The following PALM2AKAP2 variants were observed in gnomAD, a reference collection of about 807,000 sequenced individuals.
PALM2AKAP2 encodes PALM2 and AKAP2 fusion.
PALM2AKAP2 carries 37 observed loss-of-function variants against 71.5 expected under a neutral mutation model. The ratio of observed to expected loss-of-function variants is 0.52; its 90% CI spans 0.40 to 0.68. The LOEUF (loss-of-function observed/expected upper bound fraction) is 0.68. Ranked by LOEUF, PALM2AKAP2 falls within the 30% of genes least tolerant of loss-of-function variation. PALM2AKAP2 has a pLI of 0.00. For missense variants in PALM2AKAP2, 1,224 were observed against 1,191.8 expected (o/e 1.03, Z -0.40); for synonymous variants, 468 against 478.8 (o/e 0.98, Z 0.29).
intron 1 of PALM2AKAP2, chr9:109,760,436 A>T (rs1156781376): frequency 6.6e-6 from 1 of 152,220 alleles, no homozygotes; most frequent in East Asian, 1.9e-4. Flanking sequence ...ATTTTGTGTC[A>T]TCTTCACGAT....
At chr9:109,857,288 A>G (rs1452465294) in intron 1 of PALM2AKAP2, among the ~76,000 whole-genome samples, 2 of 152,224 alleles carry the variant, frequency 1.3e-5, no homozygotes, top group East Asian at 3.8e-4. Context: ...TCAGATGAAA[A>G]GTTAAAATGG....
intron 1 of PALM2AKAP2, among the ~76,000 whole-genome samples, chr9:109,730,454 A>G (rs528438090): frequency 1.4e-4 from 22 of 152,298 alleles, no homozygotes; most frequent in Admixed American, 1.1e-3. Flanking sequence ...CATAATGTCA[A>G]CTTATTCTAG....
chr9:110,048,508 G>A (rs528236494), upstream of PALM2AKAP2: 6 of 570,056 alleles, frequency 1.1e-5, no homozygotes, highest in Admixed American at 1.4e-4. Context: ...TTCTTCGTTT[G>A]TGCATCGATT....
At chr9:109,907,267 C>T (rs952867582) in intron 3 of PALM2AKAP2, among the ~76,000 whole-genome samples, 1 of 152,218 alleles carries the variant, frequency 6.6e-6, no homozygotes, top group African/African-American at 2.4e-5. Flanking sequence ...TGATGAATTT[C>T]TCAAAAGTAG....
intron 2 of PALM2AKAP2, among the ~76,000 whole-genome samples, chr9:110,148,131 A>T (rs1291383104): frequency 6.6e-6 from 1 of 152,130 alleles, no homozygotes; most frequent in Non-Finnish European, 1.5e-5. Flanking sequence ...TGAAGAGAGG[A>T]TCTTGGTGGA....
intron 1 of PALM2AKAP2, among the ~76,000 whole-genome samples, chr9:110,074,543 G>A (rs1353099278): frequency 6.6e-6 from 1 of 152,064 alleles, no homozygotes. Context: ...GTGGTTAGGT[G>A]GAAAAAGTCC....
chr9:109,983,250 G>A (rs182851189), intron 6 of PALM2AKAP2, among the ~76,000 whole-genome samples: 72 of 152,260 alleles, frequency 4.7e-4, no homozygotes, highest in African/African-American at 1.7e-3. Context: ...CCATAGATGC[G>A]AATACCTGAT....
chr9:109,980,063 G>A (rs1039062177), intron 6 of PALM2AKAP2, among the ~76,000 whole-genome samples: 2 of 152,136 alleles, frequency 1.3e-5, no homozygotes, highest in Non-Finnish European at 2.9e-5. Flanking sequence ...CCCTGTCATA[G>A]CTGGGCCTGC....
chr9:109,744,454 G>A (rs1014012394), intron 1 of PALM2AKAP2, among the ~76,000 whole-genome samples: 2 of 152,078 alleles, frequency 1.3e-5, no homozygotes, highest in Non-Finnish European at 2.9e-5. Context: ...TAGCTGCATG[G>A]CGTGGGCAAT....
In PALM2AKAP2 at chr9:109,743,336, C is replaced by T. The variant is rs149486862; in HGVS notation, c.6-37152C>T. Among the ~76,000 whole-genome samples the T allele has an allele frequency of 1.7e-3, 259 of 152,214 alleles. 1 individual carries two copies. Among genetic ancestry groups the T allele is most frequent in the African/African-American group, 5.9e-3 (246 of 41,542 alleles). ...TTTCATGCACAGGGTGTTGAGTCAG[C>T]GTCTCAAAGAATCAGACAATGACGG... On this transcript the variant is annotated intron_variant, in intron 1 of 6. Coordinates refer to the PALM2AKAP2 transcript ENST00000374531.
chr9:109,831,591 G>T (rs1828302503), intron 1 of PALM2AKAP2, among the ~76,000 whole-genome samples: 1 of 152,130 alleles, frequency 6.6e-6, no homozygotes, highest in Non-Finnish European at 1.5e-5. Flanking sequence ...TAGACACTGG[G>T]CTCCTTTCTG....
intron 1 of PALM2AKAP2, among the ~76,000 whole-genome samples, chr9:110,071,482 C>A (rs1588090751): frequency 6.6e-6 from 1 of 152,220 alleles, no homozygotes; most frequent in African/African-American, 2.4e-5. Context: ...CTACTCATGG[C>A]TCCCAGGATG....
intron 1 of PALM2AKAP2, among the ~76,000 whole-genome samples, chr9:109,736,164 C>T (rs1321507523): frequency 6.6e-6 from 1 of 152,118 alleles, no homozygotes; most frequent in African/African-American, 2.4e-5. Context: ...TTTTGTCTTG[C>T]GTTTGTATAT....
intron 1 of PALM2AKAP2, among the ~76,000 whole-genome samples, chr9:110,114,890 G>C (rs955636197): frequency 5.3e-5 from 8 of 152,200 alleles, no homozygotes; most frequent in African/African-American, 1.7e-4. Flanking sequence ...CGGGCAGAGA[G>C]ATTCTTCATA....
chr9:110,077,900 G>A (rs929765777), intron 1 of PALM2AKAP2, among the ~76,000 whole-genome samples: 2 of 151,858 alleles, frequency 1.3e-5, no homozygotes, highest in African/African-American at 4.8e-5. Flanking sequence ...TGTAATCCTA[G>A]CTACTCAGGA....
intron 6 of PALM2AKAP2, among the ~76,000 whole-genome samples, chr9:109,973,476 G>A (rs1832110302): frequency 6.6e-6 from 1 of 152,206 alleles, no homozygotes; most frequent in Non-Finnish European, 1.5e-5. Context: ...CCATATAGTG[G>A]CTCTTAAAGT....
At chr9:110,073,233 ATGCGTCAT>A (rs1834245706) in intron 1 of PALM2AKAP2, among the ~76,000 whole-genome samples, 2 of 152,214 alleles carry the variant, frequency 1.3e-5, no homozygotes. Context: ...CTGAGCAAGA[ATGCGTCAT>A]TGCTGGTCTT....
chr9:110,028,892 G>A (rs1393337147), intron 7 of PALM2AKAP2, among the ~76,000 whole-genome samples: 3 of 149,862 alleles, frequency 2.0e-5, no homozygotes, highest in Non-Finnish European at 3.0e-5. Context: ...AGGGAACCGC[G>A]TAATGTGTTT....
intron 1 of PALM2AKAP2, among the ~76,000 whole-genome samples, chr9:109,801,184 A>G (rs1006091675): frequency 6.6e-6 from 1 of 152,180 alleles, no homozygotes; most frequent in Admixed American, 6.5e-5. Context: ...GTATAGCACC[A>G]TGTGGGGCTG....
Sources: gnomAD v4.1 joint callset for allele counts (sites outside exome capture counted in the v4.1 genomes callset) on GRCh38, gnomAD v4.1.1 for gene constraint, MANE v1.5 for transcripts, NCBI Gene and HGNC (gene_info 2026-07-23, HGNC 2026-07-21) for gene names.